Variants in USP47 observed in about 807,000 individuals in gnomAD.
USP47 encodes the protein ubiquitin specific peptidase 47, also known as ubiquitin carboxyl-terminal hydrolase 47.
In USP47, 35 loss-of-function variants were observed where a neutral mutation model predicts 165.1. The observed-to-expected ratio is 0.21, with a 90% CI of 0.16 to 0.28. USP47 has a LOEUF of 0.28. USP47 is among the 10% of genes least tolerant of loss of function. USP47 has a pLI of 1.00. For synonymous variants in USP47, 531 were observed against 544.5 expected (o/e 0.98, Z 0.35); for missense variants, 1,277 against 1,607.4 (o/e 0.79, Z 3.52).
chr11:11,950,380 A>G lies in USP47; in HGVS notation c.3481A>G (p.Lys1161Glu). 6 of 1,596,440 alleles carry G rather than the reference A, an allele frequency of 3.8e-6. No individual in the cohort carries two copies. The highest frequency in any genetic ancestry group is 5.1e-6 in the Non-Finnish European group (6 of 1,174,402). Residue 1161 changes from lysine to glutamate, a missense_variant, in exon 24 of 28, where the codon AAA becomes GAA. Coordinates refer to ENST00000527733, the MANE Select transcript of USP47 (RefSeq NM_001282659.2). The stretch of plus-strand genomic sequence containing the variant: ...CATTTGTAGGTTTCGTCTAAGGAAA[A>G]AAACATGGAAGAATCCTGGCACTGT... Reference protein sequence around the residue: ...LSIDRFRLRKKTWKNPGTVFL... With the variant: ...LSIDRFRLRKETWKNPGTVFL...
chr11:11,858,368 T>C (rs1849183023), intron 1 of USP47, among the ~76,000 whole-genome samples: 1 of 152,192 alleles, frequency 6.6e-6, no homozygotes, highest in Non-Finnish European at 1.5e-5. Context: ...GACTTTTTGT[T>C]TTTTAAATCA....
intron 11 of USP47, among the ~76,000 whole-genome samples, 156 bp downstream of exon 11, chr11:11,923,047 T>C (rs1335398714): frequency 3.0e-4 from 6 of 20,284 alleles, no homozygotes; most frequent in East Asian, 3.7e-3. Context: ...TGTACATATA[T>C]ATATATATAT....
intron 17 of USP47, 105 bp downstream of exon 17, chr11:11,936,615 T>A: frequency 2.2e-6 from 2 of 928,166 alleles, no homozygotes; most frequent in Non-Finnish European, 1.5e-6. Context: ...TTGTATATGG[T>A]CTTAAAATGT....
At chr11:11,937,178 T>G (rs1307186809) in intron 17 of USP47, among the ~76,000 whole-genome samples, 1 of 151,942 alleles carries the variant, frequency 6.6e-6, no homozygotes, top group East Asian at 1.9e-4. Context: ...GGTCTGTTTT[T>G]GTCCAGAGTT....
intron 4 of USP47, 71 bp from the exon 5 acceptor site, chr11:11,897,526 A>G (rs1272003059): frequency 8.7e-7 from 1 of 1,147,282 alleles, no homozygotes; most frequent in Non-Finnish European, 1.2e-6. Flanking sequence ...CTGTGAATTA[A>G]ATTCTTATTA....
At chr11:11,871,369 G>A (rs1013828341) in intron 1 of USP47, among the ~76,000 whole-genome samples, 7 of 151,834 alleles carry the variant, frequency 4.6e-5, no homozygotes, top group Non-Finnish European at 8.8e-5. Flanking sequence ...TGGGCATGGT[G>A]GTGCATGCCT....
intron 1 of USP47, among the ~76,000 whole-genome samples, chr11:11,846,069 ATTG>A (rs1163347855): frequency 1.3e-5 from 2 of 152,070 alleles, no homozygotes; most frequent in Non-Finnish European, 2.9e-5. Flanking sequence ...TTCCTCCTAA[ATTG>A]TTGTACCCAG....
intron 2 of USP47, 30 bp downstream of exon 2, chr11:11,880,410 T>G (rs1248358055): frequency 7.9e-7 from 1 of 1,266,978 alleles, no homozygotes; most frequent in African/African-American, 1.6e-5. Flanking sequence ...CTTCTAAAAA[T>G]GTTATTATAG....
chr11:11,880,586 A>G (rs553470322), intron 2 of USP47, among the ~76,000 whole-genome samples: 1 of 152,264 alleles, frequency 6.6e-6, no homozygotes, highest in African/African-American at 2.4e-5. Context: ...CCTAAAGTTT[A>G]CATAATGTCA....
At chr11:11,884,729 G>A in intron 3 of USP47, 149 bp downstream of exon 3, 2 of 582,884 alleles carry the variant, frequency 3.4e-6, no homozygotes, top group South Asian at 4.7e-5. Context: ...TGTTATAAGT[G>A]TGTAGAATAA....
intron 1 of USP47, among the ~76,000 whole-genome samples, chr11:11,872,680 G>T (rs1450257360): frequency 6.6e-6 from 1 of 152,078 alleles, no homozygotes; most frequent in Non-Finnish European, 1.5e-5. Context: ...GAACAGTGTT[G>T]GGAGAACAGT....
chr11:11,899,536 T>C (rs1852063574), intron 5 of USP47, among the ~76,000 whole-genome samples: 1 of 151,930 alleles, frequency 6.6e-6, no homozygotes, highest in Non-Finnish European at 1.5e-5. Flanking sequence ...AGCTGAGTAA[T>C]GTGGAGGGAG....
At chr11:11,856,918 G>A (rs1047516046) in intron 1 of USP47, 1 of 152,210 alleles carries the variant, frequency 6.6e-6, no homozygotes, top group African/African-American at 2.4e-5. Context: ...CTTGGCTGAA[G>A]CTCTGCAAGC....
intron 8 of USP47, among the ~76,000 whole-genome samples, chr11:11,916,058 G>A (rs1420227512): frequency 6.6e-6 from 1 of 152,110 alleles, no homozygotes; most frequent in Non-Finnish European, 1.5e-5. Flanking sequence ...ATTTGCATTA[G>A]CTCTAAAATT....
chr11:11,943,772 C>T (rs1209455635), intron 20 of USP47: 1 of 152,036 alleles, frequency 6.6e-6, no homozygotes, highest in East Asian at 1.9e-4. Flanking sequence ...AGACTGAGGC[C>T]AGCCAAATAA....
chr11:11,872,609 A>G (rs944834146), intron 1 of USP47, among the ~76,000 whole-genome samples: 3 of 152,242 alleles, frequency 2.0e-5, no homozygotes, highest in Non-Finnish European at 4.4e-5. Context: ...GATGCCTGAT[A>G]GTTTAGATTT....
chr11:11,908,855 A>G (rs1852763832), intron 8 of USP47, among the ~76,000 whole-genome samples: 1 of 152,194 alleles, frequency 6.6e-6, no homozygotes, highest in Non-Finnish European at 1.5e-5. Flanking sequence ...AGTTCTGTTC[A>G]ATACTAGTCT....
At chr11:11,915,756 C>T (rs1177270453) in intron 8 of USP47, among the ~76,000 whole-genome samples, 4 of 151,928 alleles carry the variant, frequency 2.6e-5, no homozygotes, top group East Asian at 1.9e-4. Flanking sequence ...AGTATATATT[C>T]GGGAAAGACA....
intron 1 of USP47, among the ~76,000 whole-genome samples, chr11:11,868,233 A>G (rs1409579341): frequency 6.6e-6 from 1 of 152,140 alleles, no homozygotes; most frequent in Admixed American, 6.5e-5. Flanking sequence ...GATATAGAAC[A>G]TTTTCTTCAC....
Sources: allele counts gnomAD v4.1 joint callset (sites outside exome capture counted in the v4.1 genomes callset), GRCh38; gene constraint gnomAD v4.1.1; transcripts MANE v1.5; gene names NCBI Gene and HGNC (gene_info 2026-07-23, HGNC 2026-07-21).